The following MCC variants were observed in gnomAD, a reference collection of about 807,000 sequenced individuals.
MCC encodes the protein colorectal mutant cancer protein.
A neutral mutation model predicts 116.2 loss-of-function variants in MCC; 90 were observed. The observed-to-expected ratio is 0.77, with a 90% CI of 0.65 to 0.92. The LOEUF (loss-of-function observed/expected upper bound fraction) is 0.92. Among genes scored for constraint, MCC ranks in the 40% least tolerant of loss-of-function variants. MCC has a pLI of 0.00. For synonymous variants in MCC, 578 were observed against 510.5 expected, an observed-to-expected ratio of 1.13 and a Z score of -1.78; for missense variants, 1,516 against 1,312.2, an observed-to-expected ratio of 1.16 and a Z score of -2.40.
intron 3 of MCC, among the ~76,000 whole-genome samples, chr5:113,183,139 G>A (rs1761714855): frequency 6.6e-6 from 1 of 152,162 alleles, no homozygotes; most frequent in East Asian, 1.9e-4. Context: ...ACGCAGTGGG[G>A]GCTCCAGATC....
intron 14 of MCC, among the ~76,000 whole-genome samples, chr5:113,058,179 T>C (rs1200828045): frequency 2.6e-5 from 4 of 152,210 alleles, no homozygotes; most frequent in Admixed American, 6.5e-5. Context: ...AATTTATACT[T>C]GAAACACTTT....
chr5:113,415,580 G>A (rs1376776602), intron 1 of MCC, among the ~76,000 whole-genome samples: 1 of 152,056 alleles, frequency 6.6e-6, no homozygotes, highest in Non-Finnish European at 1.5e-5. Flanking sequence ...TCTTGTGCAT[G>A]CGTCACGTAG....
At chr5:113,255,946 C>T (rs1268292255) in intron 3 of MCC, among the ~76,000 whole-genome samples, 6 of 152,178 alleles carry the variant, frequency 3.9e-5, no homozygotes, top group African/African-American at 9.7e-5. Context: ...AATCCAAAAG[C>T]GCTTATTTGA....
At chr5:113,462,659 T>G (rs1489224476) in intron 1 of MCC, among the ~76,000 whole-genome samples, 6 of 152,200 alleles carry the variant, frequency 3.9e-5, no homozygotes, top group African/African-American at 1.4e-4. Flanking sequence ...AAAAATAACT[T>G]TTTATGTTCA....
At chr5:113,282,200 A>C (rs994701066) in intron 3 of MCC, among the ~76,000 whole-genome samples, 1 of 152,232 alleles carries the variant, frequency 6.6e-6, no homozygotes, top group Non-Finnish European at 1.5e-5. Flanking sequence ...CAGTGAAGTT[A>C]GCAGAGAAGG....
intron 1 of MCC, among the ~76,000 whole-genome samples, chr5:113,487,037 G>A (rs1772551501): frequency 6.6e-6 from 1 of 151,960 alleles, no homozygotes; most frequent in South Asian, 2.1e-4. Flanking sequence ...TTTCATTTCC[G>A]AACAGAATTA....
intron 18 of MCC, 56 bp from the exon 19 acceptor site, chr5:113,027,538 C>A: frequency 6.7e-7 from 1 of 1,502,072 alleles, no homozygotes; most frequent in Admixed American, 1.7e-5. Flanking sequence ...AGCATCGTGA[C>A]ACCATCCTGT....
chr5:113,131,460 A>G (rs1758422139), intron 5 of MCC, among the ~76,000 whole-genome samples: 1 of 152,196 alleles, frequency 6.6e-6, no homozygotes, highest in South Asian at 2.1e-4. Context: ...GGCCTTATGT[A>G]TAAAGTGTTT....
chr5:113,295,777 T>C (rs1766693823), intron 3 of MCC, among the ~76,000 whole-genome samples: 1 of 152,164 alleles, frequency 6.6e-6, no homozygotes. Context: ...AAAGTTCCAA[T>C]GAATTTGAGA....
At chr5:113,163,839 T>C (rs1481309352) in intron 3 of MCC, among the ~76,000 whole-genome samples, 1 of 152,202 alleles carries the variant, frequency 6.6e-6, no homozygotes, top group African/African-American at 2.4e-5. Context: ...ATTTTTAATA[T>C]AGTATTATTT....
intron 3 of MCC, among the ~76,000 whole-genome samples, chr5:113,171,862 CCTA>C (rs560314485): frequency 3.7e-3 from 562 of 152,254 alleles, no homozygotes; most frequent in Non-Finnish European, 6.0e-3. Context: ...AGTAACTGAC[CCTA>C]CTACATGAGC....
chr5:113,040,067 C>G (rs992788496), intron 17 of MCC, among the ~76,000 whole-genome samples: 2 of 150,534 alleles, frequency 1.3e-5, no homozygotes, highest in African/African-American at 2.5e-5. Flanking sequence ...GACTGGAAAC[C>G]TGGTCATCCA....
At chr5:113,249,699 T>A (rs1318896472) in intron 3 of MCC, among the ~76,000 whole-genome samples, 1 of 152,214 alleles carries the variant, frequency 6.6e-6, no homozygotes, top group Non-Finnish European at 1.5e-5. Flanking sequence ...CTGTTGGGTT[T>A]CAGGGCAGAG....
At chr5:113,356,530 G>A (rs191092567) in intron 2 of MCC, among the ~76,000 whole-genome samples, 40 of 152,044 alleles carry the variant, frequency 2.6e-4, no homozygotes, top group Admixed American at 1.2e-3. Flanking sequence ...GTGGCAATTT[G>A]ACATATTTGT....
At chr5:113,065,907 T>C (rs928008493) in intron 13 of MCC, among the ~76,000 whole-genome samples, 2 of 152,082 alleles carry the variant, frequency 1.3e-5, no homozygotes, top group African/African-American at 2.4e-5. Flanking sequence ...CTATGGAGAG[T>C]GGGCAGGAAA....
chr5:113,113,533 T>G (rs1757219534), intron 6 of MCC, among the ~76,000 whole-genome samples: 1 of 151,594 alleles, frequency 6.6e-6, no homozygotes, highest in Non-Finnish European at 1.5e-5. Context: ...AGAGGACTTA[T>G]GAGAACAATG....
At chr5:113,157,467 G>C (rs1274873358) in intron 3 of MCC, among the ~76,000 whole-genome samples, 1 of 152,214 alleles carries the variant, frequency 6.6e-6, no homozygotes, top group Non-Finnish European at 1.5e-5. Flanking sequence ...CCACAGGTGA[G>C]GCAGAGGAAT....
chr5:113,401,775 A>T (rs977085380), intron 1 of MCC, among the ~76,000 whole-genome samples: 3 of 150,914 alleles, frequency 2.0e-5, no homozygotes, highest in Non-Finnish European at 4.4e-5. Context: ...TTATTTATAT[A>T]TATATATATA....
At chr5:113,236,021 T>C (rs1053169837) in intron 3 of MCC, among the ~76,000 whole-genome samples, 2 of 152,180 alleles carry the variant, frequency 1.3e-5, no homozygotes, top group Non-Finnish European at 2.9e-5. Flanking sequence ...CTAACCTAGG[T>C]AGGTCGGATT....
Sources: gnomAD v4.1 joint callset for allele counts (sites outside exome capture counted in the v4.1 genomes callset) on GRCh38, gnomAD v4.1.1 for gene constraint, MANE v1.5 for transcripts, NCBI Gene and HGNC (gene_info 2026-07-23, HGNC 2026-07-21) for gene names.